SH3D19: variants seen among roughly 807,000 people sequenced by gnomAD.
The protein encoded by SH3D19 is SH3 domain-containing protein 19.
A neutral mutation model predicts 112.1 loss-of-function variants in SH3D19; 58 were observed. That is an observed-to-expected ratio of 0.52 (90% CI 0.42 to 0.64). The LOEUF (loss-of-function observed/expected upper bound fraction) is 0.64, where lower values mean the gene tolerates loss of function less well. SH3D19 is among the 30% of genes least tolerant of loss of function. The probability of loss-of-function intolerance (pLI) is 0.00; values close to 1 mark genes in which losing one functional copy is unlikely to be tolerated. For missense variants in SH3D19, 1,090 were observed against 1,263.4 expected (o/e 0.86, Z 2.08); for synonymous variants, 391 against 448.5 (o/e 0.87, Z 1.62).
intron 12 of SH3D19, 128 bp downstream of exon 12, chr4:151,143,782 C>T (rs561119155): frequency 1.1e-5 from 11 of 1,030,532 alleles, no homozygotes; most frequent in Non-Finnish European, 1.5e-5. Context: ...AGAATAAATG[C>T]TACTGTAATT....
chr4:151,128,025 A>C (rs763145120), intron 18 of SH3D19, 145 bp downstream of exon 18: 39 of 578,392 alleles, frequency 6.7e-5, no homozygotes, highest in Non-Finnish European at 9.7e-5. Context: ...AAGCATATGA[A>C]TGAAGTTTGC....
At chr4:151,251,664 T>C (rs980806517) in intron 1 of SH3D19, among the ~76,000 whole-genome samples, 25 of 152,146 alleles carry the variant, frequency 1.6e-4, no homozygotes, top group African/African-American at 6.0e-4. Flanking sequence ...CTCATTATAA[T>C]CACTCCCCTG....
intron 1 of SH3D19, among the ~76,000 whole-genome samples, chr4:151,236,516 G>C (rs574338446): frequency 1.3e-5 from 2 of 152,352 alleles, no homozygotes; most frequent in South Asian, 4.1e-4. Context: ...GCACCAATCA[G>C]CACTCTGTGT....
chr4:151,208,634 T>C (rs945696861), intron 2 of SH3D19, among the ~76,000 whole-genome samples: 2 of 151,750 alleles, frequency 1.3e-5, no homozygotes, highest in Admixed American at 1.3e-4. Context: ...CCTCCCAAAG[T>C]GCTGGGATTA....
intron 2 of SH3D19, among the ~76,000 whole-genome samples, chr4:151,218,267 AT>A (rs1308793638): frequency 6.6e-6 from 1 of 152,172 alleles, no homozygotes; most frequent in Non-Finnish European, 1.5e-5. Flanking sequence ...TTTTCTGAAC[AT>A]TCTTGACTAT....
At chr4:151,250,361 G>A (rs561872225) in intron 1 of SH3D19, among the ~76,000 whole-genome samples, 1 of 152,072 alleles carries the variant, frequency 6.6e-6, no homozygotes, top group Non-Finnish European at 1.5e-5. Flanking sequence ...AAAAAGTTAA[G>A]TTGCATGTAG....
chr4:151,296,029 C>T (rs1401997259), intron 1 of SH3D19, among the ~76,000 whole-genome samples: 5 of 85,382 alleles, frequency 5.9e-5, no homozygotes, highest in Admixed American at 2.9e-4. Flanking sequence ...AGCAAGGCTC[C>T]GTCTCAAAAA....
chr4:151,325,322 C>T lies in SH3D19; in HGVS notation c.31G>A (p.Glu11Lys). The change falls in exon 1 of 20, where the codon GAG (glutamate) becomes AAG (lysine). Residue 11 changes from glutamate to lysine, a missense_variant. Transcript: ENST00000604030. ...TCGCGGCGCTCGCGTAGCTCTTCCT[C>T]CTCGTCCTCCCGCCGCCGGCCCTCA... The part of the protein sequence containing the change: MAEGRRREDE[E>K]EELRERRELG... The T allele has an allele frequency of 5.7e-6, 7 of 1,217,426 alleles. No individual in the cohort carries two copies. Among genetic ancestry groups the T allele is most frequent in the Non-Finnish European group, 7.2e-6 (7 of 978,664 alleles). The allele number at this position is 1,217,426 out of a possible 1,614,324, so 75.4% of individuals were successfully genotyped here.
chr4:151,150,378 T>C (rs936090950), intron 9 of SH3D19, among the ~76,000 whole-genome samples: 17 of 148,762 alleles, frequency 1.1e-4, no homozygotes, highest in Admixed American at 3.4e-4. Context: ...ATTCATTCCG[T>C]GATCACACAT....
At chr4:151,250,528 G>A (rs72725903) in intron 1 of SH3D19, among the ~76,000 whole-genome samples, 3 of 151,690 alleles carry the variant, frequency 2.0e-5, no homozygotes, top group Non-Finnish European at 1.5e-5. Flanking sequence ...GAGAGAGAGA[G>A]ATCTGGAATG....
intron 1 of SH3D19, among the ~76,000 whole-genome samples, chr4:151,254,146 G>A (rs1251923478): frequency 6.6e-6 from 1 of 152,134 alleles, no homozygotes; most frequent in Non-Finnish European, 1.5e-5. Context: ...GAAAATGTCA[G>A]GCAAATGTAA....
At chr4:151,227,625 A>T in intron 1 of SH3D19, 1 of 386,534 alleles carries the variant, frequency 2.6e-6, no homozygotes, top group Non-Finnish European at 3.5e-6. Flanking sequence ...GGGCACATTT[A>T]AATCATTTCT....
intron 8 of SH3D19, among the ~76,000 whole-genome samples, chr4:151,164,572 G>A (rs1054541688): frequency 1.3e-5 from 2 of 151,146 alleles, no homozygotes; most frequent in Admixed American, 6.6e-5. Flanking sequence ...AAAATGTAAC[G>A]TTACACTAAT....
At chr4:151,192,932 AT>A (rs1439023486) in intron 2 of SH3D19, among the ~76,000 whole-genome samples, 2 of 152,176 alleles carry the variant, frequency 1.3e-5, no homozygotes, top group African/African-American at 4.8e-5. Flanking sequence ...AAAAATCAGA[AT>A]ATGTTGCCTT....
At position 151,188,011 on chromosome 4, in the gene SH3D19, C is replaced by A. The variant is rs551861183; in HGVS notation, c.153-548G>T. Among the ~76,000 whole-genome samples the A allele has an allele frequency of 1.3e-3, 198 of 152,274 alleles. 1 individual carries two copies. Among genetic ancestry groups the A allele is most frequent in the Non-Finnish European group, 2.2e-3 (148 of 68,020 alleles). On this transcript the variant is annotated intron_variant, in intron 2 of 19. Transcript: ENST00000604030. ...CTCCCCCTTCTTTCTCTCCCTTTCT[C>A]CCCTCCTACCCAACACCCTGCTTCC...
At chr4:151,277,146 G>T in intron 1 of SH3D19, 1 of 1,393,270 alleles carries the variant, frequency 7.2e-7, no homozygotes, top group Non-Finnish European at 9.4e-7. Flanking sequence ...GAAGCAGGAA[G>T]CGCTCACTGG....
At chr4:151,150,246 T>TAC (rs1247890614) in intron 9 of SH3D19, among the ~76,000 whole-genome samples, 4 of 46,570 alleles carry the variant, frequency 8.6e-5, no homozygotes, top group African/African-American at 1.5e-4. Context: ...CACATATATA[T>TAC]ATATACACAC....
At chr4:151,160,459 C>T (rs1008488678) in intron 8 of SH3D19, among the ~76,000 whole-genome samples, 16 of 152,208 alleles carry the variant, frequency 1.1e-4, no homozygotes, top group Non-Finnish European at 2.4e-4. Context: ...AATACCTTTA[C>T]ATCCAAACCA....
At chr4:151,211,026 C>A (rs1375891394) in intron 2 of SH3D19, among the ~76,000 whole-genome samples, 1 of 152,032 alleles carries the variant, frequency 6.6e-6, no homozygotes, top group Non-Finnish European at 1.5e-5. Flanking sequence ...ACTGTCTCTA[C>A]TACAAATATC....
Sources: gnomAD v4.1 joint callset for allele counts (sites outside exome capture counted in the v4.1 genomes callset) on GRCh38, gnomAD v4.1.1 for gene constraint, MANE v1.5 for transcripts, NCBI Gene and HGNC (gene_info 2026-07-23, HGNC 2026-07-21) for gene names.